SPTBN5: variants seen among roughly 807,000 people sequenced by gnomAD.
The protein encoded by SPTBN5 is spectrin beta, non-erythrocytic 5.
SPTBN5 carries 513 observed loss-of-function variants against 477.6 expected under a neutral mutation model. The observed-to-expected ratio is 1.07, with a 90% CI of 1.00 to 1.16. SPTBN5 has a LOEUF of 1.16. SPTBN5 is among the 50% of genes most tolerant of loss of function. The pLI is 0.00. For missense variants in SPTBN5, 5,062 were observed against 4,731.8 expected, an observed-to-expected ratio of 1.07 and a Z score of -2.05; for synonymous variants, 2,169 against 2,011.7, an observed-to-expected ratio of 1.08 and a Z score of -2.09.
At position 41,867,553 on chromosome 15, in the gene SPTBN5, A is replaced by G; in HGVS notation, c.6297T>C (p.Thr2099=). 7 of 1,613,862 alleles carry G rather than the reference A, an allele frequency of 4.3e-6. No homozygotes were observed. The highest frequency in any genetic ancestry group is 5.9e-6 in the Non-Finnish European group (7 of 1,179,854). Residue 2099 remains threonine (T), a synonymous_variant, in exon 35 of 68, where the codon ACT becomes ACC. Transcript: ENST00000320955. ...ACTCCATTACCTTCTTGTCCTGGGCAGTCAGAACCTTCAGGAAGACCTCGT... is the reference window on the plus strand; with the variant it reads ...ACTCCATTACCTTCTTGTCCTGGGCGGTCAGAACCTTCAGGAAGACCTCGT... ...RKHEVFLKVL[T]AQDKKEAALR...
In SPTBN5 at chr15:41,867,059, AG is replaced by A; in HGVS notation, c.6379del (p.Leu2127CysfsTer6). 6.4e-7 allele frequency: 1 copy of A among 1,550,466 alleles called. No individual in the cohort carries two copies. The highest frequency in any genetic ancestry group is 8.7e-7 in the Non-Finnish European group (1 of 1,148,118). On this transcript the variant is annotated frameshift_variant, in exon 36 of 68. Transcript: ENST00000320955. LOFTEE classifies it high-confidence loss of function. ...CTTCACTCTCATCCGGCGCTGCAGC[AG>A]GATGGGAAGCCGGTCCCGCACCCGG... ...RPRVRDRLPI[L>X]LQRRMRVKEL...
In SPTBN5 at chr15:41,857,402, C is replaced by T. The variant is rs1204054916; in HGVS notation, c.8457G>A (p.Leu2819=). The T allele has an allele frequency of 6.3e-7, 1 of 1,592,156 alleles. No individual in the cohort carries two copies. ...TGCCCAGGAGCTCGCCCACCCCAGG[C>T]AGGGCCTGGCCCACAGTGGGGGCTC... ...ELRAPTVGQA[L]PGVGELLGTQ... Residue 2819 remains leucine (L), a synonymous_variant, in exon 51 of 68, where the codon CTG becomes CTA. Coordinates refer to ENST00000320955, the MANE Select transcript of SPTBN5 (RefSeq NM_016642.4).
chr15:41,860,864 C>T (rs752306204), intron 46 of SPTBN5, 106 bp from the exon 47 acceptor site: 132 of 1,170,870 alleles, frequency 1.1e-4, no homozygotes, highest in South Asian at 8.9e-4. Context: ...ATCCACAGAG[C>T]GGCTGCTCCG....
intron 45 of SPTBN5, 34 bp from the exon 46 acceptor site, chr15:41,861,530 T>C (rs1188002665): frequency 2.5e-6 from 4 of 1,606,366 alleles, no homozygotes; most frequent in East Asian, 2.2e-5. Flanking sequence ...AGACAGTCGG[T>C]GGAGGGTCCA....
chr15:41,879,687 C>T (rs1250284753), intron 15 of SPTBN5, 47 bp downstream of exon 15: 1 of 1,608,032 alleles, frequency 6.2e-7, no homozygotes. Flanking sequence ...CCAGGCTGGG[C>T]ACTGTGTCTG....
In SPTBN5 at chr15:41,881,988, C is replaced by T. The variant is rs761932649; in HGVS notation, c.2405G>A (p.Arg802Gln). The part of the protein sequence containing the change: ...RVLRAFAAEL[R>Q]RLEEQGRAAS... The stretch of plus-strand genomic sequence containing the variant: ...CGCCCGCCCCTGCTCCTCCAGCCGC[C>T]GCAGCTCGGCCGCGAAGGCGCGCAG... The change falls in exon 12 of 68, where the codon CGG (arginine) becomes CAG (glutamine). Residue 802 changes from arginine (R) to glutamine (Q), a missense_variant. By Grantham distance (43) the Arg-to-Gln change is conservative. Coordinates refer to ENST00000320955, the MANE Select transcript of SPTBN5 (RefSeq NM_016642.4). The T allele has an allele frequency of 1.8e-5, 27 of 1,537,576 alleles. No individual in the cohort carries two copies. Among genetic ancestry groups the T allele is most frequent in the Non-Finnish European group, 2.1e-5 (24 of 1,151,414 alleles).
intron 4 of SPTBN5, among the ~76,000 whole-genome samples, chr15:41,888,869 G>C (rs548033893): frequency 2.6e-5 from 4 of 152,346 alleles, no homozygotes; most frequent in African/African-American, 7.2e-5. Context: ...GCCCACATGA[G>C]GGGGAGTGGA....
intron 49 of SPTBN5, 31 bp from the exon 50 acceptor site, chr15:41,857,741 G>C: frequency 6.5e-7 from 1 of 1,537,930 alleles, no homozygotes; most frequent in Non-Finnish European, 8.7e-7. Context: ...ACACCTTGTG[G>C]ACTCAGGACT....
Position 41,854,198 on chromosome 15 carries a change from G to A in SPTBN5, c.9626C>T (p.Ala3209Val), listed in dbSNP as rs1216454056. ...QAIKARTENL[A>V]AAHEVHSFQQ... is the part of the protein sequence containing the mutation. ...AAAGCTGTGGACCTCATGGGCTGCA[G>A]CCAAGTTCTGGGAGAGGAGAAAGGA... Residue 3209 changes from alanine to valine, a missense_variant, in exon 57 of 68, where the codon GCT (alanine) becomes GTT (valine). Transcript: ENST00000320955. 1.3e-6 allele frequency: 2 copies of A among 1,596,204 alleles called. No homozygotes were observed. Among genetic ancestry groups the A allele is most frequent in the African/African-American group, 2.7e-5 (2 of 74,638 alleles).
intron 3 of SPTBN5, among the ~76,000 whole-genome samples, chr15:41,892,588 G>C (rs1053019382): frequency 6.6e-6 from 1 of 152,212 alleles, no homozygotes; most frequent in African/African-American, 2.4e-5. Context: ...AAAAGCCTAA[G>C]AGAACGCTAA....
chr15:41,848,373 C>G lies in SPTBN5; in HGVS notation c.*243G>C. The G allele has an allele frequency of 1.7e-6, 1 of 595,212 alleles. No homozygotes were observed. The highest frequency in any genetic ancestry group is 1.9e-5 in the South Asian group (1 of 51,520). 36.9% of individuals were successfully genotyped at this position (595,212 alleles called of 1,614,324 possible). On this transcript the variant is annotated 3_prime_UTR_variant, in exon 68 of 68. Transcript: ENST00000320955. ...CCCTGGCCTTGCCCACCTGCTCTGC[C>G]GTAACACGTCTCCTCTTCACCCAGA...
In SPTBN5 at chr15:41,871,614, T is replaced by A. The variant is rs1013261283; in HGVS notation, c.5302-94A>T. 5 of 1,415,702 alleles carry A rather than the reference T, an allele frequency of 3.5e-6. No homozygotes were observed. The African/African-American group carries it at 7.3e-5, about 21-fold the overall frequency. 87.7% of individuals were successfully genotyped at this position (1,415,702 alleles called of 1,614,324 possible). On this transcript the variant is annotated intron_variant, in intron 28 of 67. Coordinates refer to ENST00000320955, the MANE Select transcript of SPTBN5 (RefSeq NM_016642.4). ...GGCACCTCAGTGCCCAACTGGGTGA[T>A]GTGGGCTTGGATAGCCACGGCGTCT...
chr15:41,857,421 G>A lies in SPTBN5; in HGVS notation c.8438C>T (p.Pro2813Leu), dbSNP rs2065958656. The A allele has an allele frequency of 6.2e-7, 1 of 1,602,072 alleles. No homozygotes were observed. Reference sequence around the variant, plus strand: ...CCCAGGCAGGGCCTGGCCCACAGTGGGGGCTCTCAGCTCAACCTCGATGGG... The same window carrying A: ...CCCAGGCAGGGCCTGGCCCACAGTGAGGGCTCTCAGCTCAACCTCGATGGG... Reference protein sequence around the residue: ...LEPIEVELRAPTVGQALPGVG... With the variant: ...LEPIEVELRALTVGQALPGVG... Residue 2813 changes from proline to leucine, a missense_variant, in exon 51 of 68, where the codon CCC becomes CTC. By Grantham distance (98) the Pro-to-Leu change is moderately conservative. Coordinates refer to ENST00000320955, the MANE Select transcript of SPTBN5 (RefSeq NM_016642.4).
Position 41,855,440 on chromosome 15 carries a change from G to C in SPTBN5, c.9219-12C>G. On this transcript the variant is annotated splice_polypyrimidine_tract_variant and intron_variant, in intron 54 of 67. Coordinates refer to ENST00000320955, the MANE Select transcript of SPTBN5 (RefSeq NM_016642.4). Reference sequence around the variant, plus strand: ...CTAGCACCTTGGGGCTGTGGGAAGAGAGCGACAGTCTGGACTGCAGCCCTG... The same window carrying C: ...CTAGCACCTTGGGGCTGTGGGAAGACAGCGACAGTCTGGACTGCAGCCCTG... The C allele has an allele frequency of 6.3e-7, 1 of 1,599,726 alleles. No individual in the cohort carries two copies. The highest frequency in any genetic ancestry group is 2.2e-5 in the East Asian group (1 of 44,642).
intron 6 of SPTBN5, among the ~76,000 whole-genome samples, chr15:41,886,933 C>T (rs576532825): frequency 6.2e-4 from 95 of 152,348 alleles, no homozygotes; most frequent in African/African-American, 2.1e-3. Context: ...CTTAATAGCC[C>T]GAGAGTCGGG....
chr15:41,859,620 G>C (rs1191778251), intron 47 of SPTBN5, among the ~76,000 whole-genome samples: 1 of 152,204 alleles, frequency 6.6e-6, no homozygotes, highest in Non-Finnish European at 1.5e-5. Context: ...AGCACAGGGG[G>C]ACGATCTGCC....
At position 41,872,363 on chromosome 15, in the gene SPTBN5, G is replaced by A. The variant is rs770935929; in HGVS notation, c.5104C>T (p.Arg1702Cys). The A allele has an allele frequency of 1.8e-5, 29 of 1,611,356 alleles. No homozygotes were observed. Among genetic ancestry groups the A allele is most frequent in the Middle Eastern group, 1.9e-4 (1 of 5,358 alleles). ...TCCCGGAGCCTCTCCTGCACCACAC[G>A]CTGCTGCTCAGGGACTTCGGGGCCA... is the stretch of plus-strand genomic sequence containing the variant. ...LTGPEVPEQQ[R>C]VVQERLREQL... Residue 1702 changes from arginine to cysteine, a missense_variant, in exon 27 of 68, where the codon CGT (arginine) becomes TGT (cysteine). Transcript: ENST00000320955.
At chr15:41,871,590 G>A in intron 28 of SPTBN5, 70 bp from the exon 29 acceptor site, 2 of 1,410,956 alleles carry the variant, frequency 1.4e-6, no homozygotes, top group Non-Finnish European at 1.9e-6. Context: ...GGGAATCGAG[G>A]CACCTCAGTG....
chr15:41,868,431 C>G lies in SPTBN5; in HGVS notation c.6024G>C (p.Gln2008His). Reference sequence around the variant, plus strand: ...TGGGTGTCCCTGCAGCAAGAAGTGCCTGCTGCCCCAGCTGGGTGGCCTGCT... The same window carrying G: ...TGGGTGTCCCTGCAGCAAGAAGTGCGTGCTGCCCCAGCTGGGTGGCCTGCT... ...LWQQATQLGQ[Q>H]ALLAAGTPTK... The change falls in exon 33 of 68, where the codon CAG (glutamine) becomes CAC (histidine). Residue 2008 changes from glutamine to histidine, a missense_variant. Transcript: ENST00000320955. 1.9e-6 allele frequency: 3 copies of G among 1,607,106 alleles called. No homozygotes were observed. Among genetic ancestry groups the G allele is most frequent in the Non-Finnish European group, 2.6e-6 (3 of 1,176,132 alleles).
Sources: allele counts gnomAD v4.1 joint callset (sites outside exome capture counted in the v4.1 genomes callset), GRCh38; gene constraint gnomAD v4.1.1; transcripts MANE v1.5; gene names NCBI Gene and HGNC (gene_info 2026-07-23, HGNC 2026-07-21).